ATP1A2: variants seen among roughly 807,000 people sequenced by gnomAD.
The protein encoded by ATP1A2 is sodium/potassium-transporting ATPase subunit alpha-2.
Under a neutral mutation model 113.1 loss-of-function variants are expected in ATP1A2, and 56 were observed. The ratio of observed to expected loss-of-function variants is 0.49; its 90% CI spans 0.40 to 0.62. ATP1A2 has a LOEUF of 0.62. Ranked by LOEUF, ATP1A2 falls within the 20% of genes least tolerant of loss-of-function variation. ATP1A2 has a pLI of 0.00. For missense variants in ATP1A2, 712 were observed against 1,357.8 expected, an observed-to-expected ratio of 0.52 and a Z score of 7.47; for synonymous variants, 490 against 526.8, an observed-to-expected ratio of 0.93 and a Z score of 0.96.
intron 20 of ATP1A2, among the ~76,000 whole-genome samples, chr1:160,138,292 G>A (rs937032795): frequency 1.3e-5 from 2 of 152,236 alleles, no homozygotes; most frequent in African/African-American, 4.8e-5. Flanking sequence ...TTACTAATGT[G>A]TCATTCTTAG....
Position 160,119,256 on chromosome 1 carries a change from C to CAAAAAAAAAAAAAAAA in ATP1A2, c.13-1638_13-1623dup, listed in dbSNP as rs386368465. ...AAACCCCCAAAACTGCATTATCCTGCAAAAAAAAAAAAAAAAAAAAAAAAA... is the reference window on the plus strand; with the variant it reads ...AAACCCCCAAAACTGCATTATCCTGCAAAAAAAAAAAAAAAAAAAAAAAAAAAAAAAAAAAAAAAAA... On this transcript the variant is annotated intron_variant, in intron 1 of 22. Coordinates refer to ENST00000361216, the MANE Select transcript of ATP1A2 (RefSeq NM_000702.4). Among the ~76,000 whole-genome samples, 42 of 49,424 alleles carry CAAAAAAAAAAAAAAAA rather than the reference C, an allele frequency of 8.5e-4. 10 individuals are homozygous for CAAAAAAAAAAAAAAAA. The highest frequency in any genetic ancestry group is 2.3e-3 in the East Asian group (3 of 1,282). The allele number at this position is 49,424 out of a possible 152,430, so 32.4% of individuals were successfully genotyped here.
In ATP1A2 at chr1:160,128,641, T is replaced by G. The variant is rs371070057; in HGVS notation, c.1018-11T>G. The G allele has an allele frequency of 3.3e-5, 54 of 1,614,000 alleles. No individual in the cohort carries two copies. The highest frequency in any genetic ancestry group is 4.3e-5 in the Non-Finnish European group (51 of 1,180,028). On this transcript the variant is annotated splice_polypyrimidine_tract_variant and intron_variant, in intron 8 of 22. Coordinates refer to ENST00000361216, the MANE Select transcript of ATP1A2 (RefSeq NM_000702.4). The stretch of plus-strand genomic sequence containing the variant: ...GCCTTAACCTTTTTTATTCTCCTCT[T>G]TCTCTACCAGGTGTGCCTGACCCTG...
chr1:160,137,449 C>T (rs534924627), intron 20 of ATP1A2, among the ~76,000 whole-genome samples: 93 of 152,192 alleles, frequency 6.1e-4, no homozygotes, highest in Non-Finnish European at 1.1e-3. Flanking sequence ...GCGCTTCTTG[C>T]AGTGTGAGTT....
Position 160,129,262 on chromosome 1 carries a change from G to A in ATP1A2, c.1327-4G>A, listed in dbSNP as rs1214824372. 4 of 1,614,092 alleles carry A rather than the reference G, an allele frequency of 2.5e-6. No individual in the cohort carries two copies. Among genetic ancestry groups the A allele is most frequent in the Non-Finnish European group, 3.4e-6 (4 of 1,180,014 alleles). On this transcript the variant is annotated splice_region_variant and splice_polypyrimidine_tract_variant and intron_variant, in intron 10 of 22. Coordinates refer to ENST00000361216, the MANE Select transcript of ATP1A2 (RefSeq NM_000702.4). ...TGACACTGAATTCTTGTCTCTTCTG[G>A]CAGCGGGACACAGCTGGTGATGCCT... is the stretch of plus-strand genomic sequence containing the variant.
At chr1:160,133,305 C>G (rs1651824932) in intron 13 of ATP1A2, among the ~76,000 whole-genome samples, 1 of 152,062 alleles carries the variant, frequency 6.6e-6, no homozygotes. Flanking sequence ...AATTGAGAGG[C>G]CCCTGTGGCC....
chr1:160,136,646 A>G lies in ATP1A2; in HGVS notation c.2640A>G (p.Leu880=), dbSNP rs1233427188. 2 of 1,614,228 alleles carry G rather than the reference A, an allele frequency of 1.2e-6. No homozygotes were observed. The highest frequency in any genetic ancestry group is 1.7e-5 in the Admixed American group (1 of 60,026). ...LAENGFLPSR[L]LGIRLDWDDR... ...AGAACGGTTTCCTGCCATCACGGCT[A>G]CTGGGAATCCGCCTCGACTGGGATG... is the stretch of plus-strand genomic sequence containing the variant. Residue 880 remains leucine, a synonymous_variant, in exon 19 of 23, where the codon CTA becomes CTG. Transcript: ENST00000361216.
intron 3 of ATP1A2, among the ~76,000 whole-genome samples, chr1:160,122,841 T>A (rs1452906364): frequency 6.6e-6 from 1 of 151,860 alleles, no homozygotes; most frequent in East Asian, 1.9e-4. Context: ...AATCTAGGAC[T>A]CTCCTAGAAT....
chr1:160,136,408 A>G lies in ATP1A2; in HGVS notation c.2563+38A>G, dbSNP rs749866822. 4 of 1,613,336 alleles carry G rather than the reference A, an allele frequency of 2.5e-6. No individual in the cohort carries two copies. The Admixed American group carries it at 6.7e-5, about 27-fold the overall frequency. ...CCGGGCCTCGGGAGGGAACCCCAAC[A>G]GGGTTCTTTTCCCAGCTTTCAGAGG... On this transcript the variant is annotated intron_variant, in intron 18 of 22. Coordinates refer to ENST00000361216, the MANE Select transcript of ATP1A2 (RefSeq NM_000702.4).
At chr1:160,121,957 C>T (rs539469592) in intron 3 of ATP1A2, among the ~76,000 whole-genome samples, 5 of 152,188 alleles carry the variant, frequency 3.3e-5, no homozygotes, top group African/African-American at 1.2e-4. Flanking sequence ...CATGGCAAAA[C>T]CCCATCTCCA....
rs966197107 is a variant in ATP1A2, at chr1:160,126,054, A to G, written c.748+801A>G. Among the ~76,000 whole-genome samples the G allele has an allele frequency of 3.3e-5, 5 of 152,030 alleles. No homozygotes were observed. The East Asian group carries it at 7.7e-4, about 24-fold the overall frequency. On this transcript the variant is annotated intron_variant, in intron 7 of 22. Coordinates refer to ENST00000361216, the MANE Select transcript of ATP1A2 (RefSeq NM_000702.4). The stretch of plus-strand genomic sequence containing the variant: ...ATCCCAATCCACACTTCCCCTGTCC[A>G]TTACTCATTTCTCCTCAGTGTATTA...
At chr1:160,123,561 G>T (rs778814673) in intron 4 of ATP1A2, 145 bp downstream of exon 4, 41 of 1,022,264 alleles carry the variant, frequency 4.0e-5, no homozygotes, top group African/African-American at 8.0e-5. Flanking sequence ...AAGGGGAGAG[G>T]CTTCTATATA....
rs1064795923 is a variant in ATP1A2 at position 160,128,633 on chromosome 1, TCTC to T, written c.1018-15_1018-13del. The stretch of plus-strand genomic sequence containing the variant: ...CGGCTTCAGCCTTAACCTTTTTTAT[TCTC>T]CTCTTTCTCTACCAGGTGTGCCTGA... On this transcript the variant is annotated splice_polypyrimidine_tract_variant and intron_variant, in intron 8 of 22. Coordinates refer to ENST00000361216, the MANE Select transcript of ATP1A2 (RefSeq NM_000702.4). 3 of 1,613,964 alleles carry T rather than the reference TCTC, an allele frequency of 1.9e-6. No homozygotes were observed. The highest frequency in any genetic ancestry group is 1.7e-5 in the Admixed American group (1 of 59,992).
rs1371268025 is a variant in ATP1A2 at position 160,136,999 on chromosome 1, C to T, written c.2808C>T (p.Thr936=). Residue 936 remains threonine (T), a synonymous_variant, in exon 20 of 23, where the codon ACC becomes ACT. Coordinates refer to ENST00000361216, the MANE Select transcript of ATP1A2 (RefSeq NM_000702.4). Reference sequence around the variant, plus strand: ...GGGCTGACCTCATCATCTGCAAGACCCGCCGCAACTCAGTCTTCCAGCAGG... The same window carrying T: ...GGGCTGACCTCATCATCTGCAAGACTCGCCGCAACTCAGTCTTCCAGCAGG... ...VQWADLIICK[T]RRNSVFQQGM... is the part of the protein sequence containing the mutation. 6.2e-7 allele frequency: 1 copy of T among 1,614,176 alleles called. No individual in the cohort carries two copies. Among genetic ancestry groups the T allele is most frequent in the South Asian group, 1.1e-5 (1 of 91,086 alleles).
intron 3 of ATP1A2, 156 bp downstream of exon 3, chr1:160,121,407 G>C (rs889919139): frequency 1.2e-6 from 1 of 856,406 alleles, no homozygotes; most frequent in Admixed American, 2.0e-5. Context: ...GCAGCTAGTT[G>C]GTGGCACAGC....
chr1:160,133,523 A>G (rs543600100), intron 13 of ATP1A2, among the ~76,000 whole-genome samples: 1 of 152,270 alleles, frequency 6.6e-6, no homozygotes, highest in Non-Finnish European at 1.5e-5. Flanking sequence ...CTGCAACAAT[A>G]GCAATGAACA....
chr1:160,132,845 G>A (rs1196326494), intron 13 of ATP1A2, among the ~76,000 whole-genome samples: 2 of 152,092 alleles, frequency 1.3e-5, no homozygotes, highest in East Asian at 3.9e-4. Context: ...GTATTATATT[G>A]CCCAGAAAGA....
intron 22 of ATP1A2, among the ~76,000 whole-genome samples, chr1:160,140,381 C>G (rs551700455): frequency 6.6e-6 from 1 of 152,276 alleles, no homozygotes; most frequent in South Asian, 2.1e-4. Context: ...GCCTCCTGAT[C>G]CCCACTCATC....
In ATP1A2 at chr1:160,129,276, C is replaced by A; in HGVS notation, c.1337C>A (p.Ala446Asp). The part of the protein sequence containing the change: ...ENISVSKRDT[A>D]GDASESALLK... ...TGTCTCTTCTGGCAGCGGGACACAG[C>A]TGGTGATGCCTCTGAGTCAGCTCTG... Residue 446 changes from alanine (A) to aspartate (D), a missense_variant, in exon 11 of 23, where the codon GCT (alanine) becomes GAT (aspartate). Coordinates refer to ENST00000361216, the MANE Select transcript of ATP1A2 (RefSeq NM_000702.4). 1.9e-6 allele frequency: 3 copies of A among 1,614,204 alleles called. No individual in the cohort carries two copies. Among genetic ancestry groups the A allele is most frequent in the Non-Finnish European group, 2.5e-6 (3 of 1,180,036 alleles).
In ATP1A2 at chr1:160,123,846, G is replaced by A. The variant is rs776324530; in HGVS notation, c.382-97G>A. 6.1e-5 allele frequency: 67 copies of A among 1,095,704 alleles called. 1 individual carries two copies. In the Middle Eastern group the frequency reaches 7.8e-4, roughly 13 times the overall value. The allele number at this position is 1,095,704 out of a possible 1,614,324, so 67.9% of individuals were successfully genotyped here. A position where few individuals can be genotyped will look rare whatever the true frequency, so the allele number is the denominator to read the frequency against. ...TCAGTCACAGACAAAGGTCTGGGCT[G>A]TCATCTTGGATGGCACTGCCTGCTC... On this transcript the variant is annotated intron_variant, in intron 4 of 22. Transcript: ENST00000361216.
Sources: gnomAD v4.1 joint callset for allele counts (sites outside exome capture counted in the v4.1 genomes callset) on GRCh38, gnomAD v4.1.1 for gene constraint, MANE v1.5 for transcripts, NCBI Gene and HGNC (gene_info 2026-07-23, HGNC 2026-07-21) for gene names.